SGCD: variants seen among roughly 807,000 people sequenced by gnomAD.
The protein encoded by SGCD is delta-sarcoglycan.
In SGCD, 18 loss-of-function variants were observed where a neutral mutation model predicts 36.6. That is an observed-to-expected ratio of 0.49 (90% CI 0.34 to 0.73). The LOEUF (loss-of-function observed/expected upper bound fraction) is 0.73. SGCD is among the 30% of genes least tolerant of loss of function. SGCD has a pLI of 0.01. For synonymous variants in SGCD, 133 were observed against 130.6 expected (o/e 1.02, Z -0.12); for missense variants, 387 against 346.7 (o/e 1.12, Z -0.92).
At chr5:155,798,175 A>G in the SGCD span, among the ~76,000 whole-genome samples, 3 of 152,224 alleles carry the variant, frequency 2.0e-5, no homozygotes, top group African/African-American at 4.8e-5. Flanking sequence ...ACTTCTTGCC[A>G]TAAGAATGTT....
chr5:156,110,406 T>C (rs1178198785), intron 1 of SGCD, among the ~76,000 whole-genome samples: 1 of 152,180 alleles, frequency 6.6e-6, no homozygotes, highest in Non-Finnish European at 1.5e-5. Context: ...TTTAACTTAT[T>C]TGTATTGGGT....
chr5:156,643,075 C>G (rs1226167871), intron 6 of SGCD, among the ~76,000 whole-genome samples: 1 of 150,190 alleles, frequency 6.7e-6, no homozygotes, highest in Admixed American at 6.6e-5. Flanking sequence ...CCTTGTTGCC[C>G]AGGCTGGAGT....
the SGCD span, among the ~76,000 whole-genome samples, chr5:155,780,353 A>G: frequency 2.0e-5 from 3 of 152,152 alleles, no homozygotes; most frequent in Non-Finnish European, 4.4e-5. Flanking sequence ...TAGTTAGAAA[A>G]TACTGTCTTT....
Position 156,283,688 on chromosome 5 carries a change from C to G in SGCD, c.-43-45846C>G, listed in dbSNP as rs117290431. ...AAATTTGAGTATGTACCAAAATCAC[C>G]TGCAAGACTTGCTAAAACAAATTTC... On this transcript the variant is annotated intron_variant, in intron 3 of 9. Coordinates refer to the SGCD transcript ENST00000517913. Among the ~76,000 whole-genome samples, 315 of 152,284 alleles carry G rather than the reference C, an allele frequency of 2.1e-3. 4 individuals carry two copies. In the East Asian group the frequency reaches 0.05, roughly 24 times the overall value.
At chr5:156,499,080 A>G (rs1416587178) in intron 3 of SGCD, among the ~76,000 whole-genome samples, 1 of 152,092 alleles carries the variant, frequency 6.6e-6, no homozygotes, top group Non-Finnish European at 1.5e-5. Context: ...TAGAAGCTTA[A>G]TAGTGTAGCA....
At chr5:156,428,074 C>T (rs1170115501) in intron 3 of SGCD, among the ~76,000 whole-genome samples, 1 of 152,128 alleles carries the variant, frequency 6.6e-6, no homozygotes, top group East Asian at 1.9e-4. Flanking sequence ...AGGGTCCCCT[C>T]TTTCTCTATC....
chr5:156,472,378 C>T (rs763465725), intron 3 of SGCD, among the ~76,000 whole-genome samples: 1 of 152,134 alleles, frequency 6.6e-6, no homozygotes, highest in African/African-American at 2.4e-5. Context: ...TTCCTACTCA[C>T]CAATAAAAAA....
chr5:156,076,520 T>A (rs1451341056), intron 1 of SGCD, among the ~76,000 whole-genome samples: 1 of 152,184 alleles, frequency 6.6e-6, no homozygotes, highest in Non-Finnish European at 1.5e-5. Context: ...GAAAACAGAC[T>A]TTTTCCTGAG....
At chr5:156,102,633 T>C (rs1009719934) in intron 1 of SGCD, among the ~76,000 whole-genome samples, 2 of 152,254 alleles carry the variant, frequency 1.3e-5, no homozygotes, top group African/African-American at 2.4e-5. Context: ...AAACCAGTGT[T>C]GATGACTATT....
intron 1 of SGCD, among the ~76,000 whole-genome samples, chr5:156,045,624 T>G (rs947282673): frequency 2.6e-5 from 4 of 152,176 alleles, no homozygotes; most frequent in African/African-American, 9.6e-5. Flanking sequence ...ATGTTCTAGA[T>G]CCAACTAAAG....
chr5:156,451,986 A>C (rs1052834798), intron 3 of SGCD, among the ~76,000 whole-genome samples: 2 of 152,160 alleles, frequency 1.3e-5, no homozygotes, highest in Non-Finnish European at 2.9e-5. Flanking sequence ...TGCTATTTAC[A>C]GGAGAGAAAA....
intron 4 of SGCD, among the ~76,000 whole-genome samples, chr5:156,567,292 T>G (rs1369461558): frequency 1.3e-4 from 18 of 137,834 alleles, no homozygotes; most frequent in Non-Finnish European, 2.8e-4. Context: ...AGGGGGTGAA[T>G]GGATGGATGG....
chr5:155,967,818 G>A (rs1046918388), intron 1 of SGCD, among the ~76,000 whole-genome samples: 2 of 151,938 alleles, frequency 1.3e-5, no homozygotes, highest in South Asian at 2.1e-4. Context: ...ATAGTGTGGC[G>A]CTCCTGGAAC....
At chr5:156,213,452 T>TA (rs1764499371) in intron 3 of SGCD, among the ~76,000 whole-genome samples, 1 of 151,958 alleles carries the variant, frequency 6.6e-6, no homozygotes, top group Non-Finnish European at 1.5e-5. Context: ...CAATAATGAG[T>TA]AATGTTATTG....
intron 3 of SGCD, among the ~76,000 whole-genome samples, chr5:156,124,174 A>G (rs542101054): frequency 1.3e-5 from 2 of 152,310 alleles, no homozygotes; most frequent in South Asian, 2.1e-4. Flanking sequence ...AAAAGATACC[A>G]TCACTTATGG....
chr5:156,095,212 G>A (rs569649914), intron 1 of SGCD, among the ~76,000 whole-genome samples: 5 of 152,230 alleles, frequency 3.3e-5, no homozygotes, highest in South Asian at 2.1e-4. Context: ...AATCCCAAGA[G>A]GTATGCCTAC....
chr5:156,498,119 AC>A (rs1756278446), intron 3 of SGCD, among the ~76,000 whole-genome samples: 1 of 152,112 alleles, frequency 6.6e-6, no homozygotes, highest in Admixed American at 6.6e-5. Flanking sequence ...GTCATGTTTT[AC>A]CCTCTTTAAC....
chr5:156,704,190 C>T (rs1754647760), intron 7 of SGCD: 1 of 152,158 alleles, frequency 6.6e-6, no homozygotes. Context: ...TCCGTTTTCC[C>T]TCCTGTGGCT....
chr5:156,408,054 A>C (rs1772517538), intron 3 of SGCD, among the ~76,000 whole-genome samples: 1 of 152,236 alleles, frequency 6.6e-6, no homozygotes, highest in African/African-American at 2.4e-5. Context: ...TAGCTGTGAA[A>C]AAGTGATATT....
Sources: gnomAD v4.1 joint callset for allele counts (sites outside exome capture counted in the v4.1 genomes callset) on GRCh38, gnomAD v4.1.1 for gene constraint, MANE v1.5 for transcripts, NCBI Gene and HGNC (gene_info 2026-07-23, HGNC 2026-07-21) for gene names.